Variants in CRACD observed in about 807,000 individuals in gnomAD.
The protein encoded by CRACD is capping protein-inhibiting regulator of actin dynamics.
Under a neutral mutation model 106.8 loss-of-function variants are expected in CRACD, and 56 were observed. The ratio of observed to expected loss-of-function variants is 0.52; its 90% confidence interval spans 0.42 to 0.66. The LOEUF is 0.66. Among genes scored for constraint, CRACD ranks in the 30% least tolerant of loss-of-function variants. CRACD has a pLI of 0.00. For synonymous variants in CRACD, 754 were observed against 670.8 expected, an observed-to-expected ratio of 1.12 and a Z score of -1.92; for missense variants, 1,730 against 1,623.2, an observed-to-expected ratio of 1.07 and a Z score of -1.13.
intron 2 of CRACD, among the ~76,000 whole-genome samples, chr4:56,201,828 G>C (rs1406129919): frequency 6.6e-6 from 1 of 152,152 alleles, no homozygotes. Flanking sequence ...CATGTATTAA[G>C]ATTCAACATC....
chr4:56,105,637 ATGT>A (rs2109835895), intron 1 of CRACD, among the ~76,000 whole-genome samples: 1 of 152,240 alleles, frequency 6.6e-6, no homozygotes, highest in South Asian at 2.1e-4. Context: ...ATTATTATTT[ATGT>A]TGTTATTATT....
At chr4:56,316,858 G>A (rs1187763126) in intron 8 of CRACD, among the ~76,000 whole-genome samples, 169 bp downstream of exon 8, 1 of 152,214 alleles carries the variant, frequency 6.6e-6, no homozygotes, top group Non-Finnish European at 1.5e-5. Flanking sequence ...GCCTCAGTGA[G>A]AGGACTGAGT....
intron 1 of CRACD, among the ~76,000 whole-genome samples, chr4:56,156,876 A>G (rs146690469): frequency 1.3e-5 from 2 of 152,344 alleles, no homozygotes; most frequent in African/African-American, 4.8e-5. Flanking sequence ...TTATTTTAGA[A>G]CCTTCTGCCT....
intron 1 of CRACD, among the ~76,000 whole-genome samples, chr4:56,129,564 G>A (rs975784295): frequency 7.9e-5 from 12 of 152,280 alleles, no homozygotes; most frequent in Non-Finnish European, 1.2e-4. Context: ...GTGCTGCACC[G>A]TGGGGCTGCT....
In CRACD at chr4:56,087,111, A is replaced by G. The variant is rs138534197; in HGVS notation, c.-336+37812A>G. Among the ~76,000 whole-genome samples, 389 of 152,008 alleles carry G rather than the reference A, an allele frequency of 2.6e-3. 2 individuals are homozygous for G. The highest frequency in any genetic ancestry group is 8.2e-3 in the African/African-American group (340 of 41,458). The stretch of plus-strand genomic sequence containing the variant: ...ACTACAACCTCCGCCTCCCGGGTTT[A>G]AGCAACTCTCCCTGCCTCAGCCTCT... On this transcript the variant is annotated intron_variant, in intron 1 of 10. Coordinates refer to ENST00000682029, the MANE Select transcript of CRACD (RefSeq NM_001393381.1).
chr4:56,123,955 T>TG lies in CRACD; in HGVS notation c.-335-55329_-335-55328insG, dbSNP rs961937115. On this transcript the variant is annotated intron_variant, in intron 1 of 10. Transcript: ENST00000682029. ...TTCCTTATTTTAAAATCATTTTTTT[T>TG]TATACGGAGTCTTGCTCAGTTGCCC... 1.2e-4 allele frequency among the ~76,000 whole-genome samples: 19 copies of TG among 152,076 alleles called. No individual in the cohort carries two copies. In the East Asian group the frequency reaches 3.3e-3, roughly 26 times the overall value.
At chr4:56,301,238 T>A (rs1439310533) in intron 4 of CRACD, 3 of 1,287,882 alleles carry the variant, frequency 2.3e-6, no homozygotes, top group Non-Finnish European at 1.0e-6. Flanking sequence ...GACTAAGCAG[T>A]ATGTTCCTGG....
intron 1 of CRACD, among the ~76,000 whole-genome samples, chr4:56,091,048 T>C (rs953596595): frequency 6.6e-6 from 1 of 152,122 alleles, no homozygotes; most frequent in Non-Finnish European, 1.5e-5. Flanking sequence ...CTTTTCTTTC[T>C]TTTTTATTTA....
At chr4:56,319,546 G>C (rs1017096283) in intron 8 of CRACD, among the ~76,000 whole-genome samples, 1 of 151,916 alleles carries the variant, frequency 6.6e-6, no homozygotes, top group African/African-American at 2.4e-5. Flanking sequence ...CGAGGCTACA[G>C]TGAGCTGCGA....
At chr4:56,262,249 C>T (rs944774218) in intron 2 of CRACD, among the ~76,000 whole-genome samples, 1 of 152,174 alleles carries the variant, frequency 6.6e-6, no homozygotes. Context: ...ACCTGTAACA[C>T]TGCGTGTTGA....
intron 1 of CRACD, among the ~76,000 whole-genome samples, chr4:56,061,001 G>A (rs1299681596): frequency 6.6e-6 from 1 of 152,168 alleles, no homozygotes; most frequent in East Asian, 1.9e-4. Flanking sequence ...ATGATACTTT[G>A]TTACAGCAGC....
At chr4:56,123,910 A>G (rs969142597) in intron 1 of CRACD, among the ~76,000 whole-genome samples, 8 of 151,960 alleles carry the variant, frequency 5.3e-5, no homozygotes, top group Non-Finnish European at 8.8e-5. Flanking sequence ...CACCTTGTCC[A>G]TATCTGTAAC....
At chr4:56,166,594 C>A (rs1054126638) in intron 1 of CRACD, among the ~76,000 whole-genome samples, 1 of 142,114 alleles carries the variant, frequency 7.0e-6, no homozygotes. Flanking sequence ...ACAGGAGAAT[C>A]GCTTAAACCT....
intron 2 of CRACD, among the ~76,000 whole-genome samples, chr4:56,229,307 C>G (rs546969997): frequency 1.3e-5 from 2 of 152,230 alleles, no homozygotes; most frequent in East Asian, 3.9e-4. Context: ...CCTGGAGCCC[C>G]TTTTGCCCTT....
At chr4:56,246,990 G>T (rs773544071) in intron 2 of CRACD, among the ~76,000 whole-genome samples, 5 of 152,174 alleles carry the variant, frequency 3.3e-5, no homozygotes, top group Non-Finnish European at 5.9e-5. Context: ...AAAAGTTCGA[G>T]TACATTCATA....
chr4:56,322,700 A>C (rs1746178976), intron 8 of CRACD, among the ~76,000 whole-genome samples: 1 of 152,206 alleles, frequency 6.6e-6, no homozygotes, highest in Admixed American at 6.5e-5. Context: ...GAGGGGAAAA[A>C]ATGGTTCCAT....
Position 56,101,745 on chromosome 4 carries a change from A to G in CRACD, c.-336+52446A>G, listed in dbSNP as rs184381970. Among the ~76,000 whole-genome samples the G allele has an allele frequency of 4.2e-3, 626 of 147,362 alleles. 5 individuals carry two copies. Among genetic ancestry groups the G allele is most frequent in the African/African-American group, 0.014 (566 of 39,134 alleles). Reference sequence around the variant, plus strand: ...GCCACTGCACTTCAGCCTGGGTGACAGAGCAAGACTGTCTCAAAAAAAAAA... The same window carrying G: ...GCCACTGCACTTCAGCCTGGGTGACGGAGCAAGACTGTCTCAAAAAAAAAA... On this transcript the variant is annotated intron_variant, in intron 1 of 10. Coordinates refer to ENST00000682029, the MANE Select transcript of CRACD (RefSeq NM_001393381.1).
At chr4:56,219,329 T>A (rs1577754829) in intron 2 of CRACD, among the ~76,000 whole-genome samples, 1 of 152,208 alleles carries the variant, frequency 6.6e-6, no homozygotes, top group East Asian at 1.9e-4. Context: ...GTGAAATGAA[T>A]ATTAGGTTTT....
chr4:56,180,075 A>G (rs948914838), intron 2 of CRACD, among the ~76,000 whole-genome samples: 3 of 152,088 alleles, frequency 2.0e-5, no homozygotes, highest in African/African-American at 4.8e-5. Flanking sequence ...AATTCAATGG[A>G]AACAGTGGCC....
Sources: gnomAD v4.1 joint callset for allele counts (sites outside exome capture counted in the v4.1 genomes callset) on GRCh38, gnomAD v4.1.1 for gene constraint, MANE v1.5 for transcripts, NCBI Gene and HGNC (gene_info 2026-07-23, HGNC 2026-07-21) for gene names.